Variants in KHDRBS3 observed in about 807,000 individuals in gnomAD.
The protein encoded by KHDRBS3 is KH RNA binding domain containing, signal transduction associated 3.
KHDRBS3 carries 23 observed loss-of-function variants against 45.6 expected under a neutral mutation model. That is an observed-to-expected ratio of 0.50 (90% CI 0.36 to 0.72). KHDRBS3 has a LOEUF of 0.72. Among genes scored for constraint, KHDRBS3 ranks in the 30% least tolerant of loss-of-function variants. KHDRBS3 has a pLI of 0.00. For missense variants in KHDRBS3, 352 were observed against 424.8 expected, an observed-to-expected ratio of 0.83 and a Z score of 1.51; for synonymous variants, 162 against 156.5, an observed-to-expected ratio of 1.04 and a Z score of -0.26.
At chr8:135,550,359 A>T (rs796772173) in intron 4 of KHDRBS3, among the ~76,000 whole-genome samples, 9 of 152,156 alleles carry the variant, frequency 5.9e-5, no homozygotes, top group African/African-American at 1.9e-4. Flanking sequence ...TATTTTAAAA[A>T]TTTTTCAGTA....
chr8:135,625,267 A>G (rs1830307403), intron 7 of KHDRBS3: 8 of 1,357,902 alleles, frequency 5.9e-6, no homozygotes, highest in South Asian at 3.5e-5. Flanking sequence ...AATGTCTACA[A>G]TCCTCTGCAA....
intron 6 of KHDRBS3, among the ~76,000 whole-genome samples, chr8:135,605,042 TTC>T (rs1192809481): frequency 6.6e-6 from 1 of 152,052 alleles, no homozygotes; most frequent in Non-Finnish European, 1.5e-5. Flanking sequence ...GATAAGTTGC[TTC>T]TCTCATTCTA....
In KHDRBS3 at chr8:135,647,245, GAAAA is replaced by G; in HGVS notation, c.*173_*176del. The G allele has an allele frequency of 1.9e-4, 36 of 193,238 alleles. No individual in the cohort carries two copies. Among genetic ancestry groups the G allele is most frequent in the East Asian group, 2.8e-4 (3 of 10,754 alleles). 12.0% of individuals were successfully genotyped at this position (193,238 alleles called of 1,614,324 possible). On this transcript the variant is annotated 3_prime_UTR_variant, in exon 9 of 9. Coordinates refer to ENST00000355849, the MANE Select transcript of KHDRBS3 (RefSeq NM_006558.3). ...CTTTGTTGAAACATCAACCTGGGCA[GAAAA>G]AAAAAAAAAAAGACATGTAAAATTT...
At chr8:135,555,636 T>C (rs1292850941) in intron 4 of KHDRBS3, among the ~76,000 whole-genome samples, 1 of 152,246 alleles carries the variant, frequency 6.6e-6, no homozygotes, top group African/African-American at 2.4e-5. Flanking sequence ...TTCTAGTTAT[T>C]GCAGTACCAG....
intron 5 of KHDRBS3, among the ~76,000 whole-genome samples, chr8:135,567,695 CG>C (rs896095465): frequency 8.5e-5 from 13 of 152,068 alleles, no homozygotes; most frequent in Non-Finnish European, 1.8e-4. Context: ...CTGAGAAATC[CG>C]TAACTGCTTC....
chr8:135,605,969 T>G (rs983976523), intron 6 of KHDRBS3, among the ~76,000 whole-genome samples: 2 of 152,144 alleles, frequency 1.3e-5, no homozygotes, highest in Non-Finnish European at 2.9e-5. Context: ...GGAAATCAAT[T>G]TTTTCCATGG....
At chr8:135,480,345 A>T (rs1255667296) in intron 1 of KHDRBS3, among the ~76,000 whole-genome samples, 1 of 152,186 alleles carries the variant, frequency 6.6e-6, no homozygotes, top group Non-Finnish European at 1.5e-5. Context: ...GGTACAACTA[A>T]GTATTTGTAG....
chr8:135,533,582 A>G (rs1825588110), intron 2 of KHDRBS3, among the ~76,000 whole-genome samples: 1 of 152,188 alleles, frequency 6.6e-6, no homozygotes, highest in Admixed American at 6.5e-5. Flanking sequence ...ACTGTGGAAT[A>G]TTTGAGGTAA....
At chr8:135,497,791 A>C (rs1008462312) in intron 1 of KHDRBS3, among the ~76,000 whole-genome samples, 4 of 152,178 alleles carry the variant, frequency 2.6e-5, no homozygotes. Flanking sequence ...TCCCTTTTAC[A>C]AATGAATAAA....
At chr8:135,552,625 A>G (rs7010499) in intron 4 of KHDRBS3, among the ~76,000 whole-genome samples, 121,674 of 151,990 alleles carry the variant, frequency 0.8, 49,215 homozygotes, top group East Asian at 0.96. Flanking sequence ...TTCCCAGAGG[A>G]GTTTTTGTTG....
chr8:135,490,204 G>C (rs1013521754), intron 1 of KHDRBS3, among the ~76,000 whole-genome samples: 6 of 152,094 alleles, frequency 3.9e-5, no homozygotes, highest in Non-Finnish European at 7.4e-5. Flanking sequence ...CATTTCTCAG[G>C]ACAGATCCCC....
intron 5 of KHDRBS3, among the ~76,000 whole-genome samples, chr8:135,559,079 C>A (rs1238471523): frequency 2.0e-5 from 3 of 152,220 alleles, no homozygotes; most frequent in African/African-American, 7.2e-5. Flanking sequence ...CAGGGTAATC[C>A]AGAGTAATCT....
intron 2 of KHDRBS3, among the ~76,000 whole-genome samples, chr8:135,521,974 A>G (rs915640849): frequency 1.3e-5 from 2 of 151,840 alleles, no homozygotes; most frequent in African/African-American, 4.8e-5. Flanking sequence ...TTTTGTTTTA[A>G]GTTCTGGGAT....
At chr8:135,462,877 T>C (rs1022111507) in intron 1 of KHDRBS3, among the ~76,000 whole-genome samples, 1 of 152,182 alleles carries the variant, frequency 6.6e-6, no homozygotes, top group Non-Finnish European at 1.5e-5. Flanking sequence ...CAACCTGTGA[T>C]GGTATAATTA....
At chr8:135,470,851 G>C (rs1181633629) in intron 1 of KHDRBS3, among the ~76,000 whole-genome samples, 1 of 152,188 alleles carries the variant, frequency 6.6e-6, no homozygotes, top group Non-Finnish European at 1.5e-5. Flanking sequence ...CTCTGAAAGT[G>C]CTGGGATTAC....
chr8:135,559,322 A>G (rs906989563), intron 5 of KHDRBS3, among the ~76,000 whole-genome samples: 2 of 152,134 alleles, frequency 1.3e-5, no homozygotes, highest in African/African-American at 4.8e-5. Flanking sequence ...TTACAAGCCA[A>G]ATACAACAAA....
In KHDRBS3 at chr8:135,458,232, C is replaced by T. The variant is rs1159850106; in HGVS notation, c.88+278C>T. On this transcript the variant is annotated intron_variant, in intron 1 of 8. Transcript: ENST00000355849. ...GGGACTCGGGCACACCCAGGGGAAA[C>T]TTCTGGGTGGGGGACAGCGACCATC... 14 of 1,207,544 alleles carry T rather than the reference C, an allele frequency of 1.2e-5. No homozygotes were observed. In the South Asian group the frequency reaches 2.9e-4, roughly 25 times the overall value. The allele number at this position is 1,207,544 out of a possible 1,614,324, so 74.8% of individuals were successfully genotyped here. A position where few individuals can be genotyped will look rare whatever the true frequency, so the allele number is the denominator to read the frequency against.
chr8:135,533,606 G>T (rs1825588818), intron 2 of KHDRBS3, among the ~76,000 whole-genome samples: 1 of 152,158 alleles, frequency 6.6e-6, no homozygotes, highest in South Asian at 2.1e-4. Flanking sequence ...CCTATAGGTA[G>T]TATTTACATT....
Position 135,585,993 on chromosome 8 carries a change from G to A in KHDRBS3, c.807+3920G>A, listed in dbSNP as rs373514014. On this transcript the variant is annotated intron_variant, in intron 6 of 8. Transcript: ENST00000355849. ...TTACTGTTGTCTTCTAGCACTGGAC[G>A]GGTAGTCACAGGTTACAAATGAATA... is the stretch of plus-strand genomic sequence containing the variant. Among the ~76,000 whole-genome samples the A allele has an allele frequency of 7.9e-5, 12 of 152,220 alleles. No individual in the cohort carries two copies. In the South Asian group the frequency reaches 2.5e-3, roughly 32 times the overall value.
Sources: gnomAD v4.1 joint callset for allele counts (sites outside exome capture counted in the v4.1 genomes callset) on GRCh38, gnomAD v4.1.1 for gene constraint, MANE v1.5 for transcripts, NCBI Gene and HGNC (gene_info 2026-07-23, HGNC 2026-07-21) for gene names.